Variants in CRTC1 observed in about 807,000 individuals in gnomAD.
The protein encoded by CRTC1 is CREB regulated transcription coactivator 1, also known as CREB-regulated transcription coactivator 1.
A neutral mutation model predicts 66.1 loss-of-function variants in CRTC1; 18 were observed. The observed-to-expected ratio is 0.27, with a 90% CI of 0.19 to 0.40. The LOEUF (loss-of-function observed/expected upper bound fraction) is 0.40, where lower values mean the gene tolerates loss of function less well. Among genes scored for constraint, CRTC1 ranks in the 10% least tolerant of loss-of-function variants. The pLI, the probability that CRTC1 is intolerant of heterozygous loss-of-function variation, is 1.00. For synonymous variants in CRTC1, 416 were observed against 398.8 expected (o/e 1.04, Z -0.51); for missense variants, 669 against 887.9 (o/e 0.75, Z 3.13).
Position 18,753,532 on chromosome 19 carries a change from A to G in CRTC1, c.571A>G (p.Thr191Ala). ...LLLTVPGMEE[T>A]TSEADKNLSK... ...GTTAACAGTCCCAGGAATGGAAGAG[A>G]CCACATCAGAGGCAGACAAAAACCT... The change falls in exon 6 of 14, where the codon ACC becomes GCC. Residue 191 changes from threonine (T) to alanine (A), a missense_variant. Around this residue, in one of 8 missense-constraint regions of CRTC1, gnomAD observed 214 missense variants for 323.4 expected, o/e 0.66. Transcript: ENST00000321949. The G allele has an allele frequency of 6.2e-7, 1 of 1,613,282 alleles. No individual in the cohort carries two copies. Among genetic ancestry groups the G allele is most frequent in the Non-Finnish European group, 8.5e-7 (1 of 1,179,562 alleles).
intron 8 of CRTC1, among the ~76,000 whole-genome samples, chr19:18,762,821 C>T (rs1254458038): frequency 1.3e-5 from 2 of 152,286 alleles, no homozygotes; most frequent in Non-Finnish European, 2.9e-5. Flanking sequence ...CGAGAGCTCA[C>T]TTTGCAGCCA....
intron 1 of CRTC1, among the ~76,000 whole-genome samples, chr19:18,689,028 C>T (rs1053837233): frequency 6.6e-6 from 1 of 152,138 alleles, no homozygotes; most frequent in Non-Finnish European, 1.5e-5. Flanking sequence ...TCACTACAAC[C>T]TCTGCCTCCC....
chr19:18,770,827 CATGTGG>C (rs2054846993), intron 10 of CRTC1, among the ~76,000 whole-genome samples: 1 of 139,052 alleles, frequency 7.2e-6, no homozygotes, highest in African/African-American at 2.7e-5. Context: ...TGGGTGTGTC[CATGTGG>C]GTGTGGGTGT....
At chr19:18,728,815 C>CTTTTTTTTT (rs35465891) in intron 1 of CRTC1, among the ~76,000 whole-genome samples, 2,776 of 79,134 alleles carry the variant, frequency 0.035, 332 homozygotes, top group Middle Eastern at 0.052. Flanking sequence ...CTCACCTGGC[C>CTTTTTTTTT]TTTTTTTTTT....
chr19:18,743,496 A>C (rs1320848245), intron 2 of CRTC1, among the ~76,000 whole-genome samples: 3 of 152,230 alleles, frequency 2.0e-5, no homozygotes, highest in African/African-American at 7.2e-5. Context: ...ACAGGAGATA[A>C]GGCCCACAGC....
At chr19:18,694,135 G>GGA (rs1315060441) in intron 1 of CRTC1, among the ~76,000 whole-genome samples, 1 of 125,310 alleles carries the variant, frequency 8.0e-6, no homozygotes, top group Non-Finnish European at 1.7e-5. Flanking sequence ...CTCCGTCTCA[G>GGA]AAAAAAAAAA....
Position 18,747,063 on chromosome 19 carries a change from G to A in CRTC1, c.392G>A (p.Cys131Tyr). ...VDKHGRQADS[C>Y]PYGTMYLSPP... ...CTTAACTCACCTCACGCCGACAGCT[G>A]CCCCTATGGCACCATGTACCTCTCA... The change falls in exon 4 of 14, where the codon TGC becomes TAC. Residue 131 changes from cysteine (C) to tyrosine (Y), a missense_variant. Physicochemically the swap from Cys to Tyr is radical, Grantham distance 194. Around this residue, in one of 8 missense-constraint regions of CRTC1, gnomAD observed 214 missense variants for 323.4 expected, o/e 0.66. Coordinates refer to ENST00000321949, the MANE Select transcript of CRTC1 (RefSeq NM_015321.3). 6.2e-7 allele frequency: 1 copy of A among 1,612,548 alleles called. No individual in the cohort carries two copies.
intron 1 of CRTC1, among the ~76,000 whole-genome samples, chr19:18,726,533 G>C (rs951122187): frequency 3.3e-5 from 5 of 152,230 alleles, no homozygotes; most frequent in African/African-American, 1.2e-4. Flanking sequence ...GAACCTGTGA[G>C]TGAGCTCATT....
rs2054814543 is a variant in CRTC1 at position 18,769,509 on chromosome 19, G to A, written c.1320+716G>A. 2.0e-5 allele frequency among the ~76,000 whole-genome samples: 3 copies of A among 152,364 alleles called. No individual in the cohort carries two copies. The South Asian group carries it at 6.2e-4, about 32-fold the overall frequency. ...ATGTCCTCCAAACATTGTGTGCTCT[G>A]CAAAGAACAGCCGCCTGAGCTGGGT... is the stretch of plus-strand genomic sequence containing the variant. On this transcript the variant is annotated intron_variant, in intron 10 of 13. Coordinates refer to ENST00000321949, the MANE Select transcript of CRTC1 (RefSeq NM_015321.3).
At position 18,771,961 on chromosome 19, in the gene CRTC1, G is replaced by A. The variant is rs554219846; in HGVS notation, c.1425+415G>A. Reference sequence around the variant, plus strand: ...TGGCTGGCCCGCCCGCAGGGAAGGCGCTGACTCTGCAGCCCTGCTTTCCCC... The same window carrying A: ...TGGCTGGCCCGCCCGCAGGGAAGGCACTGACTCTGCAGCCCTGCTTTCCCC... On this transcript the variant is annotated intron_variant, in intron 11 of 13. Coordinates refer to ENST00000321949, the MANE Select transcript of CRTC1 (RefSeq NM_015321.3). The surrounding 1 kb of genome is among the most constrained non-coding windows in gnomAD (Gnocchi z 4.6). Among the ~76,000 whole-genome samples, 118 of 152,290 alleles carry A rather than the reference G, an allele frequency of 7.7e-4. No homozygotes were observed. The highest frequency in any genetic ancestry group is 2.4e-3 in the African/African-American group (99 of 41,552).
chr19:18,771,472 G>A lies in CRTC1; in HGVS notation c.1351G>A (p.Ala451Thr), dbSNP rs773898464. Residue 451 changes from alanine (A) to threonine (T), a missense_variant, in exon 11 of 14, where the codon GCC becomes ACC. Physicochemically the swap from Ala to Thr is moderately conservative, Grantham distance 58. Coordinates refer to ENST00000321949, the MANE Select transcript of CRTC1 (RefSeq NM_015321.3). This position sits in a 1 kb window ranked among gnomAD's most constrained non-coding sequence, Gnocchi z 4.6. Reference protein sequence around the residue: ...APALQQYRTSAGSPANQSPTS... With the variant: ...APALQQYRTSTGSPANQSPTS... ...GGCTCTGCAGCAGTACCGCACTAGC[G>A]CCGGCTCCCCGGCCAACCAGTCTCC... The A allele has an allele frequency of 6.2e-6, 10 of 1,613,424 alleles. No individual in the cohort carries two copies. Among genetic ancestry groups the A allele is most frequent in the East Asian group, 2.2e-5 (1 of 44,880 alleles).
chr19:18,763,071 A>G (rs1342904520), intron 8 of CRTC1, among the ~76,000 whole-genome samples: 1 of 151,954 alleles, frequency 6.6e-6, no homozygotes, highest in Admixed American at 6.6e-5. Context: ...AGTCCTTACC[A>G]TTGTGCTACA....
At chr19:18,762,963 C>T (rs183936042) in intron 8 of CRTC1, among the ~76,000 whole-genome samples, 1 of 152,364 alleles carries the variant, frequency 6.6e-6, no homozygotes, top group Admixed American at 6.5e-5. Flanking sequence ...CACGCCACAT[C>T]TTGACGTTTC....
chr19:18,703,732 G>A (rs1310561781), intron 1 of CRTC1, among the ~76,000 whole-genome samples: 1 of 152,124 alleles, frequency 6.6e-6, no homozygotes, highest in Non-Finnish European at 1.5e-5. Flanking sequence ...CAAAGTGCTA[G>A]GATTATAGGT....
At chr19:18,747,902 T>G (rs1288751800) in intron 4 of CRTC1, among the ~76,000 whole-genome samples, 1 of 151,836 alleles carries the variant, frequency 6.6e-6, no homozygotes, top group Non-Finnish European at 1.5e-5. Flanking sequence ...CATAGAAAGA[T>G]CCCATCTTTA....
intron 11 of CRTC1, among the ~76,000 whole-genome samples, chr19:18,773,937 C>T (rs1367523347): frequency 1.3e-5 from 2 of 152,190 alleles, no homozygotes; most frequent in Non-Finnish European, 2.9e-5. Flanking sequence ...TAGAACAAAG[C>T]TCAGATGGGG....
intron 1 of CRTC1, among the ~76,000 whole-genome samples, chr19:18,703,067 C>T (rs1015656324): frequency 3.3e-5 from 5 of 152,034 alleles, no homozygotes; most frequent in African/African-American, 9.7e-5. Flanking sequence ...ACTGTAAGCT[C>T]CACCTCCTGG....
chr19:18,760,411 A>G lies in CRTC1; in HGVS notation c.886+183A>G, dbSNP rs1450520205. Among the ~76,000 whole-genome samples the G allele has an allele frequency of 1.3e-5, 2 of 152,132 alleles. No individual in the cohort carries two copies. The highest frequency in any genetic ancestry group is 4.8e-5 in the African/African-American group (2 of 41,418). On this transcript the variant is annotated intron_variant, in intron 8 of 13. Coordinates refer to ENST00000321949, the MANE Select transcript of CRTC1 (RefSeq NM_015321.3). The surrounding 1 kb of genome is among the most constrained non-coding windows in gnomAD (Gnocchi z 6.2). ...CCAGGTAGGGGTGGGGCCTGGGTACAGGCCTGGTGGAAAGGAGTGCCTGGT... is the reference window on the plus strand; with the variant it reads ...CCAGGTAGGGGTGGGGCCTGGGTACGGGCCTGGTGGAAAGGAGTGCCTGGT...
intron 1 of CRTC1, among the ~76,000 whole-genome samples, chr19:18,719,803 G>A (rs544280927): frequency 1.1e-4 from 16 of 152,364 alleles, no homozygotes; most frequent in African/African-American, 3.8e-4. Context: ...CTCCTCTGCC[G>A]TGTCTGGGAT....
Sources: allele counts gnomAD v4.1 joint callset (sites outside exome capture counted in the v4.1 genomes callset), GRCh38; gene constraint gnomAD v4.1.1; regional missense constraint gnomAD v4.1.1; non-coding constraint Gnocchi (gnomAD v3.1); transcripts MANE v1.5; gene names NCBI Gene and HGNC (gene_info 2026-07-23, HGNC 2026-07-21).